The following OR2L13 variants were observed in gnomAD, a reference collection of about 807,000 sequenced individuals.
The protein encoded by OR2L13 is olfactory receptor 2L13.
A neutral mutation model predicts 15.3 loss-of-function variants in OR2L13; 14 were observed. The observed-to-expected ratio is 0.91, with a 90% CI of 0.60 to 1.43. OR2L13 has a LOEUF of 1.43. OR2L13 is among the 40% of genes most tolerant of loss of function. OR2L13 has a pLI of 0.00. For synonymous variants in OR2L13, 152 were observed against 142.9 expected (o/e 1.06, Z -0.45); for missense variants, 367 against 387.9 (o/e 0.95, Z 0.45).
the OR2L13 span, among the ~76,000 whole-genome samples, chr1:247,972,744 G>T: frequency 6.6e-6 from 1 of 152,126 alleles, no homozygotes; most frequent in Admixed American, 6.5e-5. Flanking sequence ...CCAAACAATA[G>T]AAAAAGAGGA....
chr1:247,999,587 T>C, the OR2L13 span, among the ~76,000 whole-genome samples: 1 of 152,194 alleles, frequency 6.6e-6, no homozygotes, highest in South Asian at 2.1e-4. Context: ...TTATGTACTG[T>C]GTCTCTTCTT....
the OR2L13 span, chr1:248,039,251 T>G: frequency 6.5e-7 from 1 of 1,541,738 alleles, no homozygotes; most frequent in South Asian, 1.2e-5. Context: ...TCATATCAAC[T>G]TAGTAGTGTA....
chr1:247,970,511 C>T, the OR2L13 span, among the ~76,000 whole-genome samples: 2 of 152,088 alleles, frequency 1.3e-5, no homozygotes, highest in Non-Finnish European at 2.9e-5. Context: ...TTCCCCCTTT[C>T]TTTTGGGTTA....
the OR2L13 span, among the ~76,000 whole-genome samples, chr1:248,032,470 G>T: frequency 2.6e-5 from 4 of 152,052 alleles, no homozygotes; most frequent in South Asian, 6.2e-4. Context: ...TAGTTTCATT[G>T]TCTCCAACTA....
the OR2L13 span, chr1:248,083,572 G>T: frequency 1.8e-6 from 2 of 1,082,052 alleles, no homozygotes; most frequent in Non-Finnish European, 2.7e-6. Flanking sequence ...ACTAAAGGGA[G>T]AGAATTACAA....
the OR2L13 span, among the ~76,000 whole-genome samples, chr1:248,089,210 T>C: frequency 6.6e-6 from 1 of 152,088 alleles, no homozygotes; most frequent in Non-Finnish European, 1.5e-5. Context: ...TAGTTTATTA[T>C]AAAGGACGCA....
chr1:248,099,659 G>C, exon 3 of OR2L13: 2 of 1,614,130 alleles, frequency 1.2e-6, no homozygotes, highest in Non-Finnish European at 1.7e-6. Flanking sequence ...TCCTTCCTGG[G>C]ATGTGGTGTG....
chr1:248,065,581 C>G, the OR2L13 span, among the ~76,000 whole-genome samples: 2 of 126,710 alleles, frequency 1.6e-5, no homozygotes, highest in Admixed American at 1.6e-4. Context: ...CTATCCCTCC[C>G]CCCTCCCCCC....
the OR2L13 span, chr1:247,966,359 A>C: frequency 1.3e-6 from 2 of 1,585,106 alleles, no homozygotes; most frequent in Non-Finnish European, 1.7e-6. Flanking sequence ...AACAACATAA[A>C]AAGCTGTTCC....
At chr1:247,973,569 A>G in the OR2L13 span, among the ~76,000 whole-genome samples, 3 of 152,294 alleles carry the variant, frequency 2.0e-5, no homozygotes, top group Admixed American at 6.5e-5. Flanking sequence ...TACAACTTAC[A>G]AGCAATGTGC....
the OR2L13 span, among the ~76,000 whole-genome samples, chr1:248,024,574 A>G: frequency 7.2e-5 from 11 of 152,054 alleles, no homozygotes; most frequent in Non-Finnish European, 1.3e-4. Context: ...ATCTTGAATT[A>G]ATTTTTGTAT....
At chr1:247,973,966 G>A in the OR2L13 span, among the ~76,000 whole-genome samples, 31 of 152,280 alleles carry the variant, frequency 2.0e-4, no homozygotes, top group Admixed American at 5.2e-4. Flanking sequence ...CTAGTATAAA[G>A]ACACAGACAC....
At chr1:247,940,427 T>C in the OR2L13 span, among the ~76,000 whole-genome samples, 1 of 152,326 alleles carries the variant, frequency 6.6e-6, no homozygotes, top group African/African-American at 2.4e-5. Flanking sequence ...GTTAACTAGA[T>C]TTTGTATATT....
chr1:248,007,844 A>G, the OR2L13 span, among the ~76,000 whole-genome samples: 21 of 152,210 alleles, frequency 1.4e-4, no homozygotes, highest in Non-Finnish European at 2.6e-4. Context: ...TGATTTTTGG[A>G]AAAGGACATG....
chr1:248,073,751 T>TA, the OR2L13 span, among the ~76,000 whole-genome samples: 1 of 151,892 alleles, frequency 6.6e-6, no homozygotes, highest in Admixed American at 6.6e-5. Flanking sequence ...AGTGCATGGT[T>TA]AAAAAAATAA....
the OR2L13 span, among the ~76,000 whole-genome samples, chr1:248,064,393 A>G: frequency 6.6e-6 from 1 of 152,194 alleles, no homozygotes; most frequent in African/African-American, 2.4e-5. Flanking sequence ...AGGACACTGA[A>G]TCTTCAGTCA....
At chr1:248,047,027 G>T in the OR2L13 span, 2 of 152,104 alleles carry the variant, frequency 1.3e-5, no homozygotes, top group African/African-American at 4.8e-5. Flanking sequence ...CATTCAGCAG[G>T]AATCTTGGAG....
At chr1:248,067,489 T>C in the OR2L13 span, among the ~76,000 whole-genome samples, 1 of 152,208 alleles carries the variant, frequency 6.6e-6, no homozygotes, top group South Asian at 2.1e-4. Context: ...TTTTCTTTAA[T>C]AGCTAAATAA....
the OR2L13 span, among the ~76,000 whole-genome samples, chr1:247,952,399 T>C: frequency 6.6e-6 from 1 of 152,110 alleles, no homozygotes; most frequent in Admixed American, 6.5e-5. Flanking sequence ...TTTTGGGAAA[T>C]GATTAGGTCA....
Sources: gnomAD v4.1 joint callset for allele counts (sites outside exome capture counted in the v4.1 genomes callset) on GRCh38, gnomAD v4.1.1 for gene constraint, MANE v1.5 for transcripts, NCBI Gene and HGNC (gene_info 2026-07-23, HGNC 2026-07-21) for gene names.